The following CD80 variants were observed in gnomAD, a reference collection of about 807,000 sequenced individuals.
CD80 encodes the protein CD80 molecule.
In CD80, 13 loss-of-function variants were observed where a neutral mutation model predicts 27.1. The ratio of observed to expected loss-of-function variants is 0.48; its 90% CI spans 0.31 to 0.76. The LOEUF (loss-of-function observed/expected upper bound fraction) is 0.76, where lower values mean the gene tolerates loss of function less well. CD80 is among the 30% of genes least tolerant of loss of function. The probability of loss-of-function intolerance (pLI) is 0.04; values close to 1 mark genes in which losing one functional copy is unlikely to be tolerated. For synonymous variants in CD80, 125 were observed against 125.5 expected, an observed-to-expected ratio of 1.00 and a Z score of 0.03; for missense variants, 277 against 347.9, an observed-to-expected ratio of 0.80 and a Z score of 1.62.
At chr3:119,553,314 A>T (rs2082244534) in intron 2 of CD80, among the ~76,000 whole-genome samples, 1 of 151,978 alleles carries the variant, frequency 6.6e-6, no homozygotes, top group East Asian at 1.9e-4. Context: ...TAATTTTTGC[A>T]TTTTTAGTAG....
At chr3:119,537,966 GAGA>G (rs2082148295) in intron 3 of CD80, among the ~76,000 whole-genome samples, 1 of 152,186 alleles carries the variant, frequency 6.6e-6, no homozygotes, top group South Asian at 2.1e-4. Context: ...TTACAGAAAG[GAGA>G]AGTAGGTTCG....
At chr3:119,546,646 G>A (rs929914465) in intron 2 of CD80, among the ~76,000 whole-genome samples, 9 of 152,098 alleles carry the variant, frequency 5.9e-5, no homozygotes, top group African/African-American at 2.2e-4. Context: ...ACTTACAGAA[G>A]GCCTCCTTCT....
intron 2 of CD80, among the ~76,000 whole-genome samples, chr3:119,546,128 A>G (rs2082201502): frequency 6.6e-6 from 1 of 152,216 alleles, no homozygotes; most frequent in Non-Finnish European, 1.5e-5. Flanking sequence ...TTTTCCAATG[A>G]CATGCAAGAT....
In CD80 at chr3:119,557,932, A is replaced by G. The variant is rs1231832071; in HGVS notation, c.-200-4T>C. 4 of 391,456 alleles carry G rather than the reference A, an allele frequency of 1.0e-5. No individual in the cohort carries two copies. The highest frequency in any genetic ancestry group is 1.8e-5 in the Non-Finnish European group (4 of 220,292). 24.2% of individuals were successfully genotyped at this position (391,456 alleles called of 1,614,324 possible). A position where few individuals can be genotyped will look rare whatever the true frequency, so the allele number is the denominator to read the frequency against. ...GTTGTGGATTTAGTTTCACAGCCTG[A>G]AAAAGGAACAAATAAAAGTCATTCA... is the stretch of plus-strand genomic sequence containing the variant. On this transcript the variant is annotated splice_polypyrimidine_tract_variant and splice_region_variant and intron_variant, in intron 1 of 6. Coordinates refer to ENST00000264246, the MANE Select transcript of CD80 (RefSeq NM_005191.4).
chr3:119,544,980 A>C, intron 2 of CD80, 113 bp from the exon 3 acceptor site: 2 of 779,762 alleles, frequency 2.6e-6, no homozygotes, highest in Non-Finnish European at 4.1e-6. Context: ...CTAGTGACTA[A>C]GTATCAATCC....
intron 5 of CD80, 78 bp from the exon 6 acceptor site, chr3:119,527,919 G>T: frequency 7.7e-7 from 1 of 1,293,968 alleles, no homozygotes; most frequent in Non-Finnish European, 1.1e-6. Flanking sequence ...ATTTACTTTA[G>T]CAAGGCTTCA....
chr3:119,555,166 C>T (rs946886100), intron 2 of CD80, among the ~76,000 whole-genome samples: 1 of 152,044 alleles, frequency 6.6e-6, no homozygotes, highest in Non-Finnish European at 1.5e-5. Flanking sequence ...TAAAGTAACC[C>T]CCTCCCCACA....
At chr3:119,549,127 A>G (rs1388530265) in intron 2 of CD80, among the ~76,000 whole-genome samples, 1 of 152,168 alleles carries the variant, frequency 6.6e-6, no homozygotes, top group Non-Finnish European at 1.5e-5. Context: ...AATGACTCCC[A>G]TGCTTATACC....
intron 2 of CD80, among the ~76,000 whole-genome samples, chr3:119,550,337 T>C (rs1317491209): frequency 6.6e-6 from 1 of 152,222 alleles, no homozygotes; most frequent in African/African-American, 2.4e-5. Context: ...AGTGAAAGCA[T>C]AGCTGAAAGA....
chr3:119,530,930 A>AGCCAGC (rs2082106484), intron 4 of CD80, among the ~76,000 whole-genome samples: 1 of 152,264 alleles, frequency 6.6e-6, no homozygotes, highest in Non-Finnish European at 1.5e-5. Flanking sequence ...ACTATGAGTT[A>AGCCAGC]GCCAGCCTAT....
chr3:119,540,285 C>T (rs978088368), intron 3 of CD80, among the ~76,000 whole-genome samples: 1 of 152,312 alleles, frequency 6.6e-6, no homozygotes, highest in Admixed American at 6.5e-5. Flanking sequence ...TGAATTTATC[C>T]TCTCTTAGGT....
At chr3:119,527,455 C>A in intron 6 of CD80, 1 of 338,044 alleles carries the variant, frequency 3.0e-6, no homozygotes, top group East Asian at 5.2e-5. Context: ...CAGGAATATT[C>A]AAGATGAACT....
In CD80 at chr3:119,524,422, A is replaced by G. The variant is rs1387730571; in HGVS notation, c.*1366T>C. On this transcript the variant is annotated 3_prime_UTR_variant, in exon 7 of 7. Coordinates refer to ENST00000264246, the MANE Select transcript of CD80 (RefSeq NM_005191.4). ...CTGTTACTAAATGGAAAAGAAAAGA[A>G]TTATTGAGTTAAGTATTCCTGTCAA... The G allele has an allele frequency of 2.6e-5, 4 of 152,250 alleles. No homozygotes were observed. The highest frequency in any genetic ancestry group is 7.2e-5 in the African/African-American group (3 of 41,460). The allele number at this position is 152,250 out of a possible 1,614,324, so 9.4% of individuals were successfully genotyped here. A position where few individuals can be genotyped will look rare whatever the true frequency, so the allele number is the denominator to read the frequency against.
intron 2 of CD80, among the ~76,000 whole-genome samples, chr3:119,555,746 TG>T (rs1360897616): frequency 6.6e-6 from 1 of 152,254 alleles, no homozygotes; most frequent in Non-Finnish European, 1.5e-5. Context: ...CTCTTTCCAA[TG>T]ATAGTAAATT....
chr3:119,537,180 C>A lies in CD80; in HGVS notation c.657G>T (p.Lys219Asn). The A allele has an allele frequency of 6.2e-7, 1 of 1,614,140 alleles. No individual in the cohort carries two copies. Among genetic ancestry groups the A allele is most frequent in the South Asian group, 1.1e-5 (1 of 91,084 alleles). ...TCTGATTCACTCTTAAATGTCCATA[C>A]TTGATGAGACACATGAAGCTGTGGT... ...TTNHSFMCLIKYGHLRVNQTF... is the reference protein window; with the variant it reads ...TTNHSFMCLINYGHLRVNQTF... Residue 219 changes from lysine (K) to asparagine (N), a missense_variant, in exon 4 of 7, where the codon AAG becomes AAT. Physicochemically the swap from Lys to Asn is moderately conservative, Grantham distance 94 (BLOSUM62 0). Transcript: ENST00000264246.
chr3:119,559,260 C>G (rs1427217038), intron 1 of CD80, among the ~76,000 whole-genome samples, 180 bp downstream of exon 1: 1 of 152,132 alleles, frequency 6.6e-6, no homozygotes, highest in African/African-American at 2.4e-5. Context: ...CACTATGATG[C>G]TCCAAATATG....
intron 3 of CD80, 130 bp downstream of exon 3, chr3:119,544,420 G>A (rs1249513259): frequency 7.2e-6 from 5 of 698,764 alleles, no homozygotes; most frequent in Non-Finnish European, 1.2e-5. Flanking sequence ...TACAACTAGA[G>A]ACTTAACTCC....
chr3:119,552,545 T>TCTCAAGGG (rs1184380984), intron 2 of CD80, among the ~76,000 whole-genome samples: 3 of 116,012 alleles, frequency 2.6e-5, no homozygotes, highest in African/African-American at 6.9e-5. Context: ...AAAAAGGACC[T>TCTCAAGGG]CTCAAGGGCT....
chr3:119,556,588 CT>C (rs1479011328), intron 2 of CD80, among the ~76,000 whole-genome samples: 1 of 152,182 alleles, frequency 6.6e-6, no homozygotes, highest in African/African-American at 2.4e-5. Flanking sequence ...TGTAAAATAG[CT>C]CTGGACAGAA....
Sources: allele counts gnomAD v4.1 joint callset (sites outside exome capture counted in the v4.1 genomes callset), GRCh38; gene constraint gnomAD v4.1.1; transcripts MANE v1.5; gene names NCBI Gene and HGNC (gene_info 2026-07-23, HGNC 2026-07-21).